Variants in CHRM2 observed in about 807,000 individuals in gnomAD.
The protein encoded by CHRM2 is cholinergic receptor muscarinic 2, also known as muscarinic acetylcholine receptor M2.
CHRM2 carries 8 observed loss-of-function variants against 25.0 expected under a neutral mutation model. The ratio of observed to expected loss-of-function variants is 0.32; its 90% CI spans 0.19 to 0.58. The LOEUF is 0.58. CHRM2 is among the 20% of genes least tolerant of loss of function. The pLI, the probability that CHRM2 is intolerant of heterozygous loss-of-function variation, is 0.88. For missense variants in CHRM2, 440 were observed against 567.1 expected (o/e 0.78, Z 2.28); for synonymous variants, 202 against 205.7 (o/e 0.98, Z 0.15).
chr7:136,938,834 C>G (rs1315478882), intron 2 of CHRM2, among the ~76,000 whole-genome samples: 1 of 148,276 alleles, frequency 6.7e-6, no homozygotes, highest in Admixed American at 6.9e-5. Context: ...GAGTTTACTA[C>G]CTGGGGACCC....
intron 2 of CHRM2, among the ~76,000 whole-genome samples, chr7:136,942,466 CT>C (rs1305820584): frequency 6.6e-6 from 1 of 152,162 alleles, no homozygotes; most frequent in Non-Finnish European, 1.5e-5. Context: ...CAGGGCACCC[CT>C]GTAGGACTCA....
At chr7:136,902,861 T>G in intron 2 of CHRM2, 6 of 308,854 alleles carry the variant, frequency 1.9e-5, no homozygotes, top group Non-Finnish European at 3.7e-5. Flanking sequence ...ATACAGCAAC[T>G]GCAGAGCACA....
At chr7:136,919,644 T>G (rs2130726955) in intron 2 of CHRM2, among the ~76,000 whole-genome samples, 1 of 152,232 alleles carries the variant, frequency 6.6e-6, no homozygotes, top group South Asian at 2.1e-4. Context: ...TGTGACCCTA[T>G]AAACCCATGT....
At chr7:136,921,998 C>T (rs1361539924) in intron 2 of CHRM2, among the ~76,000 whole-genome samples, 2 of 152,068 alleles carry the variant, frequency 1.3e-5, no homozygotes, top group African/African-American at 4.8e-5. Flanking sequence ...AACTCCTGAC[C>T]TCAAGTGATC....
chr7:136,976,464 A>T (rs1802110530), intron 2 of CHRM2, among the ~76,000 whole-genome samples: 1 of 152,164 alleles, frequency 6.6e-6, no homozygotes, highest in Non-Finnish European at 1.5e-5. Context: ...TTATTATAAC[A>T]ATTTTCCAGA....
chr7:136,916,503 ACT>A (rs1050033014), intron 2 of CHRM2, among the ~76,000 whole-genome samples: 4 of 151,300 alleles, frequency 2.6e-5, no homozygotes, highest in African/African-American at 7.3e-5. Context: ...TTTTATGCCT[ACT>A]CTGTTTCTGT....
chr7:136,989,901 T>C (rs1256578215), intron 2 of CHRM2, among the ~76,000 whole-genome samples: 3 of 152,098 alleles, frequency 2.0e-5, no homozygotes, highest in African/African-American at 4.8e-5. Flanking sequence ...CGCATACGTT[T>C]TCAACAGTTC....
chr7:136,884,485 CTT>C (rs36100182), intron 2 of CHRM2, among the ~76,000 whole-genome samples: 23 of 144,256 alleles, frequency 1.6e-4, no homozygotes, highest in Non-Finnish European at 1.7e-4. Flanking sequence ...AATGAAATGC[CTT>C]TTTTTTTTTT....
intron 3 of CHRM2, among the ~76,000 whole-genome samples, chr7:137,007,088 C>A (rs968715864): frequency 1.3e-5 from 2 of 151,850 alleles, no homozygotes; most frequent in Admixed American, 6.6e-5. Flanking sequence ...CAGTGGTATG[C>A]GAAAGGAGAA....
At chr7:136,983,031 A>C (rs1252222350) in intron 2 of CHRM2, among the ~76,000 whole-genome samples, 1 of 152,208 alleles carries the variant, frequency 6.6e-6, no homozygotes, top group Non-Finnish European at 1.5e-5. Flanking sequence ...TATCCTGAAG[A>C]GTGTTTTCCA....
Position 137,019,409 on chromosome 7 carries a change from T to C in CHRM2, c.*3143T>C, listed in dbSNP as rs572603584. The C allele has an allele frequency of 1.3e-5, 2 of 151,954 alleles. No homozygotes were observed. Among genetic ancestry groups the C allele is most frequent in the Non-Finnish European group, 2.9e-5 (2 of 67,860 alleles). The allele number at this position is 151,954 out of a possible 1,614,324, so 9.4% of individuals were successfully genotyped here. A position where few individuals can be genotyped will look rare whatever the true frequency, so the allele number is the denominator to read the frequency against. On this transcript the variant is annotated 3_prime_UTR_variant, in exon 4 of 4. Coordinates refer to ENST00000680005, the MANE Select transcript of CHRM2 (RefSeq NM_001006630.2). ...TTATGATTGCCACAGATCTAGTCAA[T>C]TGAGGTTGCAGTAGTTGGCCATCAA... is the stretch of plus-strand genomic sequence containing the variant.
At chr7:136,990,442 C>A (rs1223037493) in intron 2 of CHRM2, among the ~76,000 whole-genome samples, 2 of 152,084 alleles carry the variant, frequency 1.3e-5, no homozygotes, top group South Asian at 4.1e-4. Flanking sequence ...TTGCCTTTTC[C>A]AGGATGTCAT....
chr7:136,968,898 A>G (rs1169752714), intron 2 of CHRM2, among the ~76,000 whole-genome samples: 1 of 151,954 alleles, frequency 6.6e-6, no homozygotes, highest in Admixed American at 6.6e-5. Context: ...ATGAACATAA[A>G]TCAGTTAACA....
At chr7:136,924,028 G>A (rs1798596536) in intron 2 of CHRM2, among the ~76,000 whole-genome samples, 1 of 152,120 alleles carries the variant, frequency 6.6e-6, no homozygotes, top group African/African-American at 2.4e-5. Flanking sequence ...ATAACAATAA[G>A]TAAATAAAAT....
intron 2 of CHRM2, among the ~76,000 whole-genome samples, chr7:136,989,837 C>G (rs1360980130): frequency 1.3e-5 from 2 of 152,008 alleles, no homozygotes; most frequent in East Asian, 1.9e-4. Context: ...TTTTTTAGAA[C>G]CTTCATCAGA....
intron 2 of CHRM2, among the ~76,000 whole-genome samples, chr7:136,892,013 A>C (rs970610543): frequency 6.6e-6 from 1 of 152,162 alleles, no homozygotes; most frequent in Non-Finnish European, 1.5e-5. Context: ...CAGCTGTCTA[A>C]TTTACCCCTG....
intron 2 of CHRM2, among the ~76,000 whole-genome samples, chr7:136,990,127 A>G (rs1584886583): frequency 6.6e-6 from 1 of 152,016 alleles, no homozygotes; most frequent in Admixed American, 6.6e-5. Flanking sequence ...TTTCTTATAT[A>G]CCTCCTACCC....
intron 2 of CHRM2, among the ~76,000 whole-genome samples, chr7:136,897,427 T>G (rs1761094161): frequency 6.6e-6 from 1 of 152,144 alleles, no homozygotes; most frequent in African/African-American, 2.4e-5. Context: ...CTCACACTTG[T>G]TCCCATCACA....
intron 2 of CHRM2, among the ~76,000 whole-genome samples, chr7:136,891,735 C>T (rs569729817): frequency 1.3e-5 from 2 of 152,286 alleles, no homozygotes; most frequent in East Asian, 1.9e-4. Context: ...AAGGCTTCTG[C>T]TTAGAGTATA....
Sources: gnomAD v4.1 joint callset for allele counts (sites outside exome capture counted in the v4.1 genomes callset) on GRCh38, gnomAD v4.1.1 for gene constraint, MANE v1.5 for transcripts, NCBI Gene and HGNC (gene_info 2026-07-23, HGNC 2026-07-21) for gene names.